SOX5: variants seen among roughly 807,000 people sequenced by gnomAD.
SOX5 encodes the protein SRY-box transcription factor 5.
In SOX5, 9 loss-of-function variants were observed where a neutral mutation model predicts 92.0. The observed-to-expected ratio is 0.10, with a 90% confidence interval of 0.06 to 0.17. The LOEUF (loss-of-function observed/expected upper bound fraction) is 0.17. Ranked by LOEUF, SOX5 falls within the 10% of genes least tolerant of loss-of-function variation. SOX5 has a pLI of 1.00. For missense variants in SOX5, 642 were observed against 944.5 expected, an observed-to-expected ratio of 0.68 and a Z score of 4.20; for synonymous variants, 344 against 336.3, an observed-to-expected ratio of 1.02 and a Z score of -0.25.
In SOX5 at chr12:24,334,189, T is replaced by C. The variant is rs566333867; in HGVS notation, c.-174+34374A>G. 4.6e-5 allele frequency among the ~76,000 whole-genome samples: 7 copies of C among 152,064 alleles called. No individual in the cohort carries two copies. The South Asian group carries it at 1.4e-3, about 31-fold the overall frequency. ...AAAATTAGAAAAAGGTATATGTGAT[T>C]AGTTATATTTTCTGAATACAAAAAC... On this transcript the variant is annotated intron_variant, in intron 2 of 4. Transcript: ENST00000446891.
At chr12:24,134,769 G>T (rs1949965711) in intron 4 of SOX5, among the ~76,000 whole-genome samples, 1 of 152,146 alleles carries the variant, frequency 6.6e-6, no homozygotes, top group Non-Finnish European at 1.5e-5. Flanking sequence ...CAAAGGAAAA[G>T]TAAAAATAAG....
intron 9 of SOX5, among the ~76,000 whole-genome samples, chr12:23,578,117 C>CAAAA (rs1163938652): frequency 0.02 from 681 of 34,884 alleles, 115 homozygotes; most frequent in Non-Finnish European, 0.023. Flanking sequence ...GAGACTGTGT[C>CAAAA]AAAAAAAAAA....
chr12:23,720,788 A>G (rs1030565240), intron 6 of SOX5, among the ~76,000 whole-genome samples: 2 of 152,208 alleles, frequency 1.3e-5, no homozygotes, highest in African/African-American at 4.8e-5. Context: ...ATATTGTTCC[A>G]AATGTCTTCA....
chr12:23,642,034 G>A (rs1052872518), intron 7 of SOX5, among the ~76,000 whole-genome samples: 1 of 152,022 alleles, frequency 6.6e-6, no homozygotes, highest in Admixed American at 6.6e-5. Flanking sequence ...CTTAAACTTT[G>A]GGCTTTTGAA....
At chr12:24,107,639 G>A (rs1946839830) in intron 4 of SOX5, among the ~76,000 whole-genome samples, 1 of 152,192 alleles carries the variant, frequency 6.6e-6, no homozygotes, top group Admixed American at 6.5e-5. Flanking sequence ...AGCTCCCTAA[G>A]GAAGGGTTTA....
chr12:24,020,580 G>A (rs1954166519), intron 4 of SOX5, among the ~76,000 whole-genome samples: 1 of 152,176 alleles, frequency 6.6e-6, no homozygotes. Context: ...AAGCTGCGGA[G>A]CTGTGAATTA....
intron 10 of SOX5, among the ~76,000 whole-genome samples, chr12:23,568,615 C>T (rs1224827524): frequency 6.6e-6 from 1 of 151,894 alleles, no homozygotes; most frequent in Non-Finnish European, 1.5e-5. Context: ...GGCCTCAGTC[C>T]CCTCTTTCTA....
intron 1 of SOX5, among the ~76,000 whole-genome samples, chr12:24,559,560 A>C (rs537578466): frequency 6.6e-6 from 1 of 152,162 alleles, no homozygotes; most frequent in African/African-American, 2.4e-5. Flanking sequence ...TACTGTAAGC[A>C]TTAGATCATA....
intron 1 of SOX5, among the ~76,000 whole-genome samples, chr12:24,439,941 G>A (rs1019342080): frequency 2.0e-5 from 3 of 152,068 alleles, no homozygotes; most frequent in South Asian, 2.1e-4. Flanking sequence ...CATATTCCTC[G>A]AAGTCAGGAA....
chr12:23,768,201 T>C (rs2094803263), intron 3 of SOX5, among the ~76,000 whole-genome samples: 2 of 152,288 alleles, frequency 1.3e-5, no homozygotes, highest in East Asian at 1.9e-4. Flanking sequence ...AAGGGATGGA[T>C]GCGTCCAATA....
At chr12:23,868,531 C>T (rs572917187) in intron 2 of SOX5, among the ~76,000 whole-genome samples, 1 of 152,172 alleles carries the variant, frequency 6.6e-6, no homozygotes, top group South Asian at 2.1e-4. Context: ...TATAATTCAA[C>T]CCTAAGTTAT....
intron 11 of SOX5, among the ~76,000 whole-genome samples, chr12:23,549,832 C>A (rs1943855784): frequency 6.6e-6 from 1 of 151,876 alleles, no homozygotes; most frequent in Admixed American, 6.6e-5. Context: ...TAGGTTAAGT[C>A]TGTTTAAAAA....
intron 1 of SOX5, among the ~76,000 whole-genome samples, chr12:24,531,732 C>T (rs956840581): frequency 6.6e-6 from 1 of 152,104 alleles, no homozygotes; most frequent in African/African-American, 2.4e-5. Flanking sequence ...CCTCTGCTAC[C>T]CCCACCTTTC....
chr12:23,584,401 G>A (rs1950435549), intron 9 of SOX5: 2 of 655,362 alleles, frequency 3.1e-6, no homozygotes, highest in South Asian at 1.8e-5. Context: ...TCTTTGAAAA[G>A]TTTGGTCTGG....
intron 4 of SOX5, among the ~76,000 whole-genome samples, chr12:23,976,828 TA>T (rs1484471856): frequency 6.6e-6 from 1 of 151,634 alleles, no homozygotes; most frequent in Non-Finnish European, 1.5e-5. Context: ...TTTTTTTTTT[TA>T]AAACAAAAAC....
intron 1 of SOX5, among the ~76,000 whole-genome samples, chr12:24,440,629 TGTGTGTGTGTGA>T (rs1355961988): frequency 7.0e-4 from 87 of 124,322 alleles, no homozygotes; most frequent in Non-Finnish European, 1.4e-3. Context: ...TGTGTGTGTG[TGTGTGTGTGTGA>T]AGAACAGAAG....
At chr12:23,797,102 C>T (rs1333480922) in intron 3 of SOX5, among the ~76,000 whole-genome samples, 2 of 151,734 alleles carry the variant, frequency 1.3e-5, no homozygotes, top group Non-Finnish European at 1.5e-5. Context: ...AACACTAATA[C>T]ACTTTATCAA....
rs74234899 is a variant in SOX5 at position 23,766,828 on chromosome 12, A to G, written c.482-11104T>C. Among the ~76,000 whole-genome samples the G allele has an allele frequency of 1.5e-3, 221 of 152,310 alleles. 3 individuals are homozygous for G. The East Asian group carries it at 0.036, about 25-fold the overall frequency. ...CAGTAAAAACTGCTAAGGGGATAAT[A>G]TTGTATATAATTTATTATATCGGGG... On this transcript the variant is annotated intron_variant, in intron 3 of 14. Coordinates refer to ENST00000451604, the MANE Select transcript of SOX5 (RefSeq NM_006940.6).
intron 1 of SOX5, among the ~76,000 whole-genome samples, chr12:24,554,525 T>C (rs771599439): frequency 7.9e-5 from 12 of 152,120 alleles, no homozygotes; most frequent in Non-Finnish European, 1.3e-4. Context: ...GTCTGAGGAA[T>C]GTGTCAAAAA....
Sources: gnomAD v4.1 joint callset for allele counts (sites outside exome capture counted in the v4.1 genomes callset) on GRCh38, gnomAD v4.1.1 for gene constraint, MANE v1.5 for transcripts, NCBI Gene and HGNC (gene_info 2026-07-23, HGNC 2026-07-21) for gene names.